The following RPS6KC1 variants were observed in gnomAD, a reference collection of about 807,000 sequenced individuals.
RPS6KC1 encodes ribosomal protein S6 kinase C1.
Under a neutral mutation model 103.8 loss-of-function variants are expected in RPS6KC1, and 54 were observed. The ratio of observed to expected loss-of-function variants is 0.52; its 90% CI spans 0.42 to 0.65. The LOEUF (loss-of-function observed/expected upper bound fraction) is 0.65. Among genes scored for constraint, RPS6KC1 ranks in the 30% least tolerant of loss-of-function variants. RPS6KC1 has a pLI of 0.00. For missense variants in RPS6KC1, 1,151 were observed against 1,253.8 expected (o/e 0.92, Z 1.24); for synonymous variants, 439 against 438.7 (o/e 1.00, Z -0.01).
chr1:213,155,778 G>A (rs1014581683), intron 6 of RPS6KC1, among the ~76,000 whole-genome samples: 2 of 151,774 alleles, frequency 1.3e-5, no homozygotes, highest in African/African-American at 4.8e-5. Context: ...TGTGTAGATA[G>A]TTGTTAACTT....
At chr1:213,200,159 A>G (rs930019474) in intron 8 of RPS6KC1, among the ~76,000 whole-genome samples, 1 of 152,214 alleles carries the variant, frequency 6.6e-6, no homozygotes, top group Admixed American at 6.5e-5. Context: ...GGAACCAAAA[A>G]GGAACCTGAA....
chr1:213,528,208 G>T, the RPS6KC1 span, among the ~76,000 whole-genome samples: 4 of 152,292 alleles, frequency 2.6e-5, no homozygotes, highest in South Asian at 8.3e-4. Flanking sequence ...CAGCATGGCT[G>T]CAGAAGCCTC....
At chr1:213,439,029 C>T in the RPS6KC1 span, among the ~76,000 whole-genome samples, 3 of 152,096 alleles carry the variant, frequency 2.0e-5, 1 homozygote, top group South Asian at 4.2e-4. Flanking sequence ...CTCCTGACCT[C>T]ATGATCCACC....
chr1:213,195,531 T>G (rs1013148413), intron 8 of RPS6KC1, among the ~76,000 whole-genome samples: 2 of 152,206 alleles, frequency 1.3e-5, no homozygotes, highest in Admixed American at 1.3e-4. Context: ...TCTTTAGTGG[T>G]GATTTCTGAG....
intron 6 of RPS6KC1, among the ~76,000 whole-genome samples, chr1:213,143,445 C>G (rs1221103785): frequency 6.6e-6 from 1 of 150,980 alleles, no homozygotes; most frequent in African/African-American, 2.4e-5. Context: ...TCTGTGTTTT[C>G]TATTTTATAG....
At chr1:213,200,495 T>C (rs1264476591) in intron 8 of RPS6KC1, among the ~76,000 whole-genome samples, 1 of 152,072 alleles carries the variant, frequency 6.6e-6, no homozygotes, top group Non-Finnish European at 1.5e-5. Flanking sequence ...CAAGATGAAT[T>C]AAAGACTAAA....
At chr1:213,422,499 G>A in the RPS6KC1 span, among the ~76,000 whole-genome samples, 2 of 152,168 alleles carry the variant, frequency 1.3e-5, no homozygotes, top group Non-Finnish European at 2.9e-5. Context: ...TTTCAATTCT[G>A]GAAATATGCA....
chr1:213,559,403 A>G, the RPS6KC1 span, among the ~76,000 whole-genome samples: 4 of 152,226 alleles, frequency 2.6e-5, no homozygotes, highest in African/African-American at 9.6e-5. Flanking sequence ...CAAAAAAAGT[A>G]TAAGTGTGAC....
the RPS6KC1 span, among the ~76,000 whole-genome samples, chr1:213,329,582 T>G: frequency 6.6e-6 from 1 of 151,406 alleles, no homozygotes; most frequent in Non-Finnish European, 1.5e-5. Flanking sequence ...TGATTTTTTT[T>G]TTTTTCTGGT....
intron 8 of RPS6KC1, among the ~76,000 whole-genome samples, chr1:213,209,310 A>G (rs2093436800): frequency 6.6e-6 from 1 of 152,206 alleles, no homozygotes; most frequent in Non-Finnish European, 1.5e-5. Flanking sequence ...AGAAAGGGAT[A>G]TTGATCCAAA....
the RPS6KC1 span, among the ~76,000 whole-genome samples, chr1:213,303,976 C>T: frequency 4.6e-5 from 7 of 151,522 alleles, no homozygotes; most frequent in African/African-American, 1.5e-4. Flanking sequence ...GAGGCCGAGG[C>T]AGGCGGATCA....
At chr1:213,739,494 A>T in the RPS6KC1 span, among the ~76,000 whole-genome samples, 1 of 152,192 alleles carries the variant, frequency 6.6e-6, no homozygotes, top group African/African-American at 2.4e-5. Flanking sequence ...GTGAGAACTT[A>T]TCAAAGAATT....
the RPS6KC1 span, among the ~76,000 whole-genome samples, chr1:213,335,598 A>G: frequency 5.3e-5 from 8 of 152,236 alleles, no homozygotes; most frequent in African/African-American, 1.9e-4. Flanking sequence ...GTGCCTCCAC[A>G]GACATATATG....
At chr1:213,477,447 A>G in the RPS6KC1 span, among the ~76,000 whole-genome samples, 2 of 151,858 alleles carry the variant, frequency 1.3e-5, no homozygotes, top group African/African-American at 4.8e-5. Flanking sequence ...TATATTTCTA[A>G]TAGATTTTAC....
chr1:213,412,440 C>T, the RPS6KC1 span, among the ~76,000 whole-genome samples: 3 of 152,228 alleles, frequency 2.0e-5, no homozygotes, highest in Non-Finnish European at 2.9e-5. Flanking sequence ...GACCACCTTA[C>T]GTCATGCCCC....
At chr1:213,372,148 A>G in the RPS6KC1 span, among the ~76,000 whole-genome samples, 1 of 152,180 alleles carries the variant, frequency 6.6e-6, no homozygotes, top group Admixed American at 6.5e-5. Context: ...AAAATAAAGG[A>G]TAGGCTGCTT....
the RPS6KC1 span, among the ~76,000 whole-genome samples, chr1:213,728,938 TTTTTTTTTTG>T: frequency 0.024 from 979 of 41,178 alleles, 23 homozygotes; most frequent in Non-Finnish European, 0.029. Flanking sequence ...AACATGAGGG[TTTTTTTTTTG>T]TTTTTTTTTT....
chr1:213,239,473 G>T (rs1302104199), intron 10 of RPS6KC1, among the ~76,000 whole-genome samples: 1 of 152,170 alleles, frequency 6.6e-6, no homozygotes, highest in Non-Finnish European at 1.5e-5. Flanking sequence ...TAGGTACCAT[G>T]TCAGGTGCTA....
chr1:213,541,283 A>G, the RPS6KC1 span, among the ~76,000 whole-genome samples: 1 of 151,208 alleles, frequency 6.6e-6, no homozygotes, highest in African/African-American at 2.4e-5. Context: ...CCAAACAATT[A>G]CAATGGTAAC....
Sources: gnomAD v4.1 joint callset for allele counts (sites outside exome capture counted in the v4.1 genomes callset) on GRCh38, gnomAD v4.1.1 for gene constraint, MANE v1.5 for transcripts, NCBI Gene and HGNC (gene_info 2026-07-23, HGNC 2026-07-21) for gene names.